NF1: variants seen among roughly 807,000 people sequenced by gnomAD.
NF1 encodes neurofibromin.
In NF1, 122 loss-of-function variants were observed where a neutral mutation model predicts 325.7. The ratio of observed to expected loss-of-function variants is 0.37; its 90% CI spans 0.32 to 0.44. NF1 has a LOEUF of 0.44. Among genes scored for constraint, NF1 ranks in the 20% least tolerant of loss-of-function variants. NF1 has a pLI of 1.00. For synonymous variants in NF1, 1,091 were observed against 1,186.0 expected, an observed-to-expected ratio of 0.92 and a Z score of 1.65; for missense variants, 2,140 against 3,415.4, an observed-to-expected ratio of 0.63 and a Z score of 9.31.
At chr17:31,341,488 A>G (rs2069819161) in intron 47 of NF1, among the ~76,000 whole-genome samples, 1 of 151,976 alleles carries the variant, frequency 6.6e-6, no homozygotes, top group African/African-American at 2.4e-5. Context: ...ACGCCACTGC[A>G]CTCCAGCTTG....
At chr17:31,206,085 CGTT>C (rs1457672738) in intron 11 of NF1, among the ~76,000 whole-genome samples, 152 bp from the exon 12 acceptor site, 7 of 152,058 alleles carry the variant, frequency 4.6e-5, no homozygotes, top group Non-Finnish European at 1.0e-4. Flanking sequence ...GAATTAAAGA[CGTT>C]GTTTGAAGAC....
chr17:31,307,773 G>A, intron 36 of NF1: 2 of 609,750 alleles, frequency 3.3e-6, no homozygotes, highest in East Asian at 6.8e-5. Context: ...AAAATCTTAG[G>A]GTGTTAGATA....
intron 4 of NF1, among the ~76,000 whole-genome samples, 195 bp downstream of exon 4, chr17:31,163,571 TTGTC>T (rs1371928264): frequency 4.6e-5 from 7 of 152,166 alleles, no homozygotes; most frequent in African/African-American, 1.2e-4. Flanking sequence ...AGAAATGAGT[TTGTC>T]TGGGCTTGCG....
chr17:31,122,390 C>T (rs773470244), intron 1 of NF1, among the ~76,000 whole-genome samples: 1 of 152,108 alleles, frequency 6.6e-6, no homozygotes, highest in Non-Finnish European at 1.5e-5. Context: ...AAATTGTTTT[C>T]AGTTATTCAT....
chr17:31,305,323 G>A (rs868808379), intron 36 of NF1: 5 of 1,614,176 alleles, frequency 3.1e-6, no homozygotes, highest in African/African-American at 2.7e-5. Context: ...TCCAGCAGAA[G>A]TATGTGCTTC....
chr17:31,219,970 G>T (rs1286465560), intron 14 of NF1, among the ~76,000 whole-genome samples: 1 of 152,056 alleles, frequency 6.6e-6, no homozygotes, highest in Admixed American at 6.6e-5. Flanking sequence ...TGGACGTTTG[G>T]TGTTGTTTCT....
intron 1 of NF1, among the ~76,000 whole-genome samples, chr17:31,132,608 C>T (rs1342195183): frequency 6.6e-6 from 1 of 152,096 alleles, no homozygotes; most frequent in Non-Finnish European, 1.5e-5. Flanking sequence ...TTTGTTGTTA[C>T]ATTTTCTTTC....
intron 1 of NF1, among the ~76,000 whole-genome samples, chr17:31,146,114 G>A (rs1916566647): frequency 6.6e-6 from 1 of 152,180 alleles, no homozygotes; most frequent in South Asian, 2.1e-4. Flanking sequence ...TCAAGGCATT[G>A]CTTAGCTGTG....
In NF1 at chr17:31,374,427, G is replaced by A; in HGVS notation, c.*272G>A. Reference sequence around the variant, plus strand: ...AACTGCAAAGAAAGTGGGAGGTCAGGAAACTTTTAACTGAGAAATCTCAAT... The same window carrying A: ...AACTGCAAAGAAAGTGGGAGGTCAGAAAACTTTTAACTGAGAAATCTCAAT... On this transcript the variant is annotated 3_prime_UTR_variant, in exon 58 of 58. Transcript: ENST00000358273. The A allele has an allele frequency of 4.0e-6, 2 of 501,420 alleles. No homozygotes were observed. The highest frequency in any genetic ancestry group is 2.1e-5 in the South Asian group (1 of 47,706). The allele number at this position is 501,420 out of a possible 1,614,324, so 31.1% of individuals were successfully genotyped here.
intron 54 of NF1, chr17:31,358,159 C>CT (rs2070316672): frequency 2.5e-6 from 1 of 399,440 alleles, no homozygotes; most frequent in African/African-American, 2.0e-5. Context: ...CTAAAACATG[C>CT]TAAGTAGCAG....
At chr17:31,362,130 C>T (rs944582105) in intron 57 of NF1, among the ~76,000 whole-genome samples, 1 of 152,166 alleles carries the variant, frequency 6.6e-6, no homozygotes, top group Non-Finnish European at 1.5e-5. Flanking sequence ...CCAAGTAGAG[C>T]CCAGCCAGCA....
chr17:31,335,154 C>T, intron 40 of NF1, 123 bp downstream of exon 40: 2 of 784,614 alleles, frequency 2.5e-6, no homozygotes, highest in Non-Finnish European at 4.1e-6. Flanking sequence ...CAGTTTCCTC[C>T]TTCAGAAAGC....
In NF1 at chr17:31,118,361, A is replaced by G. The variant is rs527424705; in HGVS notation, c.60+22992A>G. On this transcript the variant is annotated intron_variant, in intron 1 of 57. Coordinates refer to ENST00000358273, the MANE Select transcript of NF1 (RefSeq NM_001042492.3). ...GAATGTGCAGGTTTGTTACATAGCTATACTCGTGCCATGGTGGTTTGCTGC... is the reference window on the plus strand; with the variant it reads ...GAATGTGCAGGTTTGTTACATAGCTGTACTCGTGCCATGGTGGTTTGCTGC... Among the ~76,000 whole-genome samples, 22 of 151,602 alleles carry G rather than the reference A, an allele frequency of 1.5e-4. 1 individual carries two copies. In the South Asian group the frequency reaches 3.7e-3, roughly 26 times the overall value.
intron 57 of NF1, among the ~76,000 whole-genome samples, chr17:31,364,411 A>G (rs1597874229): frequency 6.6e-6 from 1 of 152,162 alleles, no homozygotes; most frequent in South Asian, 2.1e-4. Flanking sequence ...TTCATTCTAG[A>G]TCTTTGATGT....
intron 29 of NF1, among the ~76,000 whole-genome samples, chr17:31,243,301 C>T (rs2151445498): frequency 6.6e-6 from 1 of 151,864 alleles, no homozygotes; most frequent in East Asian, 2.0e-4. Flanking sequence ...CCAAGGCCTG[C>T]AGTACTGCTG....
At position 31,182,574 on chromosome 17, in the gene NF1, T is replaced by G. The variant is rs2143785789; in HGVS notation, c.797T>G (p.Val266Gly). Residue 266 changes from valine (V) to glycine (G), a missense_variant, in exon 8 of 58, where the codon GTT (valine) becomes GGT (glycine). By Grantham distance (109) the Val-to-Gly change is moderately radical (BLOSUM62 -3). Coordinates refer to ENST00000358273, the MANE Select transcript of NF1 (RefSeq NM_001042492.3). ...FAESTKRKAA[V>G]WPLQIILLIL... is the part of the protein sequence containing the mutation. ...GAAAGCACCAAACGTAAAGCAGCAG[T>G]TTGGCCACTACAAATCATTCTCCTT... The G allele has an allele frequency of 6.2e-7, 1 of 1,614,088 alleles. No homozygotes were observed. Among genetic ancestry groups the G allele is most frequent in the South Asian group, 1.1e-5 (1 of 91,076 alleles).
At chr17:31,217,963 G>A (rs1464071290) in intron 13 of NF1, among the ~76,000 whole-genome samples, 3 of 150,752 alleles carry the variant, frequency 2.0e-5, no homozygotes, top group South Asian at 4.2e-4. Context: ...AAAAAGGTAG[G>A]CATTCACATT....
At chr17:31,131,300 T>C (rs1240389223) in intron 1 of NF1, among the ~76,000 whole-genome samples, 1 of 152,182 alleles carries the variant, frequency 6.6e-6, no homozygotes, top group East Asian at 1.9e-4. Flanking sequence ...AGGGGTCTCC[T>C]TGTGGTGGAG....
At chr17:31,254,524 A>G (rs565527790) in intron 31 of NF1, among the ~76,000 whole-genome samples, 48 of 152,250 alleles carry the variant, frequency 3.2e-4, no homozygotes, top group Non-Finnish European at 5.6e-4. Context: ...TTCTCAGCAT[A>G]TGTGAGTTTA....
Sources: allele counts gnomAD v4.1 joint callset (sites outside exome capture counted in the v4.1 genomes callset), GRCh38; gene constraint gnomAD v4.1.1; transcripts MANE v1.5; gene names NCBI Gene and HGNC (gene_info 2026-07-23, HGNC 2026-07-21).